The following KIF4A variants were observed in gnomAD, a reference collection of about 807,000 sequenced individuals.
The protein encoded by KIF4A is chromosome-associated kinesin KIF4A.
A neutral mutation model predicts 105.9 loss-of-function variants in KIF4A; 7 were observed. That is an observed-to-expected ratio of 0.07 (90% CI 0.04 to 0.12). KIF4A has a LOEUF of 0.12. Among genes scored for constraint, KIF4A ranks in the 10% least tolerant of loss-of-function variants. The pLI, the probability that KIF4A is intolerant of heterozygous loss-of-function variation, is 1.00. For missense variants in KIF4A, 558 were observed against 929.2 expected (o/e 0.60, Z 5.19); for synonymous variants, 281 against 331.3 (o/e 0.85, Z 1.65).
At chrX:70,395,918 A>G (rs1458338194) in intron 21 of KIF4A, 31 bp from the exon 22 acceptor site, 1 of 1,194,243 alleles carries the variant, frequency 8.4e-7, no homozygotes, top group South Asian at 1.8e-5. Flanking sequence ...TCCTTTTAGT[A>G]TTTCACCCTT....
chrX:70,312,301 C>G (rs975759562), intron 7 of KIF4A, among the ~76,000 whole-genome samples: 1 of 109,857 alleles, frequency 9.1e-6, no homozygotes, highest in East Asian at 2.9e-4. Context: ...CACGCCACCA[C>G]GTCCAGCTAA....
At chrX:70,346,465 A>C (rs1046960847) in intron 13 of KIF4A, among the ~76,000 whole-genome samples, 1 of 111,709 alleles carries the variant, frequency 9.0e-6, no homozygotes, top group African/African-American at 3.3e-5. Flanking sequence ...GCTTCGAGTC[A>C]CATAGAAAAG....
chrX:70,394,666 A>G (rs2086252569), intron 20 of KIF4A, among the ~76,000 whole-genome samples: 1 of 110,984 alleles, frequency 9.0e-6, no homozygotes, highest in Admixed American at 9.6e-5. Context: ...CCTTTTTTGG[A>G]TCAGTTGAAC....
At chrX:70,393,168 T>G (rs753389007) in intron 20 of KIF4A, among the ~76,000 whole-genome samples, 1 of 111,285 alleles carries the variant, frequency 9.0e-6, no homozygotes, top group East Asian at 2.8e-4. Flanking sequence ...TCTAATTTTC[T>G]TATTGATTTT....
chrX:70,339,062 G>A (rs1287137227), intron 10 of KIF4A, among the ~76,000 whole-genome samples: 1 of 101,176 alleles, frequency 9.9e-6, no homozygotes, highest in African/African-American at 3.7e-5. Context: ...TCCAGCCTGG[G>A]TGACAGAGCG....
intron 9 of KIF4A, among the ~76,000 whole-genome samples, chrX:70,333,337 A>T (rs999675211): frequency 1.8e-5 from 2 of 110,167 alleles, no homozygotes; most frequent in African/African-American, 3.3e-5. Context: ...AAAAAAAAGA[A>T]AAGAAAAGAA....
intron 28 of KIF4A, among the ~76,000 whole-genome samples, chrX:70,414,161 TTAAA>T (rs2086333954): frequency 8.9e-6 from 1 of 111,878 alleles, no homozygotes; most frequent in Non-Finnish European, 1.9e-5. Flanking sequence ...AGGGGACTGG[TTAAA>T]TAAATCGACA....
At chrX:70,331,525 T>C (rs2085930514) in intron 9 of KIF4A, among the ~76,000 whole-genome samples, 1 of 109,340 alleles carries the variant, frequency 9.1e-6, no homozygotes, top group Non-Finnish European at 1.9e-5. Context: ...AATTTAAAAA[T>C]ACTTTATTGC....
chrX:70,374,499 G>T (rs1308085775), intron 16 of KIF4A, among the ~76,000 whole-genome samples: 1 of 111,945 alleles, frequency 8.9e-6, no homozygotes, highest in Admixed American at 9.5e-5. Context: ...GGCAGTAATT[G>T]TGTTAAGAGT....
In KIF4A at chrX:70,297,077, G is replaced by A. The variant is rs146868120; in HGVS notation, c.315G>A (p.Glu105=). The change falls in exon 4 of 31, where the codon GAG becomes GAA. Residue 105 remains glutamate, a synonymous_variant. Coordinates refer to ENST00000374403, the MANE Select transcript of KIF4A (RefSeq NM_012310.5). ...TYSMGGAYTA[E]QENEPTVGVI... is the part of the protein sequence containing the mutation. ...CAATGGGAGGTGCATATACTGCAGAGCAAGAGAATGAACCAACAGTTGGGG... is the reference window on the plus strand; with the variant it reads ...CAATGGGAGGTGCATATACTGCAGAACAAGAGAATGAACCAACAGTTGGGG... 6 of 1,210,114 alleles carry A rather than the reference G, an allele frequency of 5.0e-6. No individual in the cohort carries two copies. In the African/African-American group the frequency reaches 1.0e-4, roughly 21 times the overall value.
chrX:70,382,810 G>T (rs1199142136), intron 18 of KIF4A, among the ~76,000 whole-genome samples: 1 of 108,269 alleles, frequency 9.2e-6, no homozygotes, highest in Non-Finnish European at 1.9e-5. Flanking sequence ...AAAAAAGAAA[G>T]TTAATAGCCA....
intron 7 of KIF4A, among the ~76,000 whole-genome samples, chrX:70,322,591 G>A (rs896763513): frequency 5.9e-4 from 65 of 109,567 alleles, no homozygotes; most frequent in African/African-American, 2.1e-3. Flanking sequence ...GATTACAGGC[G>A]TGAGCCACCG....
At position 70,353,615 on chromosome X, in the gene KIF4A, T is replaced by C. The variant is rs1001516122; in HGVS notation, c.1489-7T>C. 9.2e-6 allele frequency: 11 copies of C among 1,198,843 alleles called. No individual in the cohort carries two copies. In the Middle Eastern group the frequency reaches 7.2e-4, roughly 79 times the overall value. On this transcript the variant is annotated splice_region_variant and splice_polypyrimidine_tract_variant and intron_variant, in intron 14 of 30. Transcript: ENST00000374403. Reference sequence around the variant, plus strand: ...TCTTATAAATCATTATCCTGATTTTTTTCCAGCAAGTAGAAACCAGTCCAG... The same window carrying C: ...TCTTATAAATCATTATCCTGATTTTCTTCCAGCAAGTAGAAACCAGTCCAG...
chrX:70,334,157 C>G (rs1230009853), intron 10 of KIF4A, among the ~76,000 whole-genome samples: 1 of 111,096 alleles, frequency 9.0e-6, no homozygotes, highest in Non-Finnish European at 1.9e-5. Context: ...AACCATGTCT[C>G]CAAGGAACCC....
rs771658634 is a variant in KIF4A at position 70,414,978 on chromosome X, T to G, written c.3256-2910T>G. Reference sequence around the variant, plus strand: ...TTCTTATAGCATTGCTTCCTATAATTCTGATCACTCACCTCTTTTTTGTTT... The same window carrying G: ...TTCTTATAGCATTGCTTCCTATAATGCTGATCACTCACCTCTTTTTTGTTT... On this transcript the variant is annotated intron_variant, in intron 28 of 30. Transcript: ENST00000374403. 4.4e-5 allele frequency among the ~76,000 whole-genome samples: 5 copies of G among 112,459 alleles called. No individual in the cohort carries two copies. The South Asian group carries it at 1.8e-3, about 41-fold the overall frequency.
At position 70,348,181 on chromosome X, in the gene KIF4A, C is replaced by T. The variant is rs377655613; in HGVS notation, c.1431+4199C>T. Among the ~76,000 whole-genome samples the T allele has an allele frequency of 2.3e-4, 25 of 108,989 alleles. No homozygotes were observed. The East Asian group carries it at 2.9e-3, about 13-fold the overall frequency. The allele number at this position is 108,989 out of a possible 115,157, so 94.6% of individuals were successfully genotyped here. On this transcript the variant is annotated intron_variant, in intron 13 of 30. Coordinates refer to ENST00000374403, the MANE Select transcript of KIF4A (RefSeq NM_012310.5). ...TCTTCAGGCCAGGCGCAGTGGCTTACGCCTGTAATCCAAACTCTTTGAGAG... is the reference window on the plus strand; with the variant it reads ...TCTTCAGGCCAGGCGCAGTGGCTTATGCCTGTAATCCAAACTCTTTGAGAG...
intron 7 of KIF4A, among the ~76,000 whole-genome samples, chrX:70,321,799 T>C (rs996220779): frequency 3.6e-5 from 4 of 111,265 alleles, no homozygotes; most frequent in African/African-American, 1.3e-4. Flanking sequence ...ATTGAAACTA[T>C]CCCTTTTGAA....
chrX:70,371,832 T>A (rs2086137007), intron 15 of KIF4A, among the ~76,000 whole-genome samples: 1 of 99,105 alleles, frequency 1.0e-5, no homozygotes, highest in African/African-American at 3.8e-5. Context: ...GCGGAGGGGC[T>A]CCTCACTTCT....
rs755977787 is a variant in KIF4A, at chrX:70,363,985, G to T, written c.1675-10166G>T. ...TGGTTTTGATTTGCATTTCTCTGAT[G>T]GCCAGTGATGATGAGCATTTTCTCA... On this transcript the variant is annotated intron_variant, in intron 15 of 30. Coordinates refer to ENST00000374403, the MANE Select transcript of KIF4A (RefSeq NM_012310.5). 6.2e-5 allele frequency among the ~76,000 whole-genome samples: 7 copies of T among 112,320 alleles called. No individual in the cohort carries two copies. In the South Asian group the frequency reaches 2.6e-3, roughly 42 times the overall value.
Sources: allele counts gnomAD v4.1 joint callset (sites outside exome capture counted in the v4.1 genomes callset), GRCh38; gene constraint gnomAD v4.1.1; transcripts MANE v1.5; gene names NCBI Gene and HGNC (gene_info 2026-07-23, HGNC 2026-07-21).